ESRRB: variants seen among roughly 807,000 people sequenced by gnomAD.
ESRRB encodes the protein steroid hormone receptor ERR2.
A neutral mutation model predicts 46.0 loss-of-function variants in ESRRB; 16 were observed. The observed-to-expected ratio is 0.35, with a 90% CI of 0.24 to 0.53. The LOEUF (loss-of-function observed/expected upper bound fraction) is 0.53, where lower values mean the gene tolerates loss of function less well. Among genes scored for constraint, ESRRB ranks in the 20% least tolerant of loss-of-function variants. The pLI is 0.93. For synonymous variants in ESRRB, 246 were observed against 259.6 expected (o/e 0.95, Z 0.50); for missense variants, 488 against 607.4 (o/e 0.80, Z 2.07).
rs1007879717 is a variant in ESRRB at position 76,364,479 on chromosome 14, A to G, written c.2+53563A>G. 4.1e-4 allele frequency among the ~76,000 whole-genome samples: 63 copies of G among 152,130 alleles called. 1 individual carries two copies. The highest frequency in any genetic ancestry group is 1.5e-3 in the African/African-American group (61 of 41,422). On this transcript the variant is annotated intron_variant, in intron 1 of 6. Transcript: ENST00000512784. Reference sequence around the variant, plus strand: ...CGAGGTGGGTGGATCACCTGAGATCAGGAGTTCAAGACCAGCTTGGCCAAC... The same window carrying G: ...CGAGGTGGGTGGATCACCTGAGATCGGGAGTTCAAGACCAGCTTGGCCAAC...
chr14:76,490,329 T>C (rs1890176131), intron 5 of ESRRB, among the ~76,000 whole-genome samples: 1 of 152,254 alleles, frequency 6.6e-6, no homozygotes, highest in South Asian at 2.1e-4. Context: ...TACTCTCCTA[T>C]AAATCAAGAT....
upstream of ESRRB, among the ~76,000 whole-genome samples, chr14:76,372,714 C>A (rs956955890): frequency 3.9e-5 from 6 of 152,112 alleles, no homozygotes; most frequent in East Asian, 1.2e-3. Context: ...TGCCTGTAGT[C>A]CCACCTACTC....
At chr14:76,453,437 G>T (rs1888475587) in intron 2 of ESRRB, among the ~76,000 whole-genome samples, 1 of 152,092 alleles carries the variant, frequency 6.6e-6, no homozygotes, top group Non-Finnish European at 1.5e-5. Context: ...TAGTAGAGAG[G>T]ATGACTCTGT....
intron 1 of ESRRB, among the ~76,000 whole-genome samples, chr14:76,333,489 T>TATATG (rs1884089050): frequency 7.8e-6 from 1 of 128,724 alleles, no homozygotes; most frequent in Non-Finnish European, 1.5e-5. Flanking sequence ...ATATATATTA[T>TATATG]ATATATTTTG....
At chr14:76,368,661 C>T (rs548674236), upstream of ESRRB, among the ~76,000 whole-genome samples, 4 of 152,194 alleles carry the variant, frequency 2.6e-5, no homozygotes, top group Non-Finnish European at 5.9e-5. Flanking sequence ...CTTGGAAAGG[C>T]AAACCCTCCC....
At chr14:76,414,654 TTTTG>T (rs1333335680) in intron 1 of ESRRB, among the ~76,000 whole-genome samples, 2 of 143,878 alleles carry the variant, frequency 1.4e-5, no homozygotes, top group East Asian at 2.0e-4. Context: ...CTGCTGCTGT[TTTTG>T]TTTGTTCCTT....
intron 1 of ESRRB, among the ~76,000 whole-genome samples, chr14:76,413,121 T>C (rs1595092228): frequency 6.6e-6 from 1 of 152,188 alleles, no homozygotes; most frequent in Admixed American, 6.5e-5. Context: ...AGACCCAGCA[T>C]TGCAGGAGAG....
chr14:76,366,305 G>A (rs1884521286), intron 1 of ESRRB, among the ~76,000 whole-genome samples: 1 of 152,156 alleles, frequency 6.6e-6, no homozygotes, highest in South Asian at 2.1e-4. Flanking sequence ...GAAATAAGGA[G>A]CGACATATCC....
intron 6 of ESRRB, among the ~76,000 whole-genome samples, chr14:76,497,667 T>G (rs886922601): frequency 1.3e-5 from 2 of 152,158 alleles, no homozygotes; most frequent in African/African-American, 4.8e-5. Context: ...AGGTTAGCGA[T>G]TGCACTGAAG....
At position 76,501,022 on chromosome 14, in the gene ESRRB, G is replaced by A. The variant is rs1295163139; in HGVS notation, c.*2564G>A. 1 of 489,126 alleles carries A rather than the reference G, an allele frequency of 2.0e-6. No homozygotes were observed. Among genetic ancestry groups the A allele is most frequent in the Admixed American group, 3.3e-5 (1 of 30,136 alleles). 30.3% of individuals were successfully genotyped at this position (489,126 alleles called of 1,614,324 possible). A position where few individuals can be genotyped will look rare whatever the true frequency, so the allele number is the denominator to read the frequency against. The stretch of plus-strand genomic sequence containing the variant: ...CTTAGCTGGAATCCTGGCCAGATGA[G>A]GACCCTCTCCGGGGAAGGGAGAGGA... On this transcript the variant is annotated 3_prime_UTR_variant, in exon 7 of 7. Transcript: ENST00000644823.
chr14:76,381,462 AT>A (rs981320301), intron 1 of ESRRB, among the ~76,000 whole-genome samples: 1 of 151,458 alleles, frequency 6.6e-6, no homozygotes, highest in Non-Finnish European at 1.5e-5. Context: ...AGTTGGGAGG[AT>A]TTTTTCTTCC....
intron 3 of ESRRB, among the ~76,000 whole-genome samples, chr14:76,476,908 C>A (rs748512541): frequency 6.6e-6 from 1 of 152,176 alleles, no homozygotes; most frequent in African/African-American, 2.4e-5. Context: ...AAAGCAAAAC[C>A]GTTCCAGAAG....
intron 1 of ESRRB, among the ~76,000 whole-genome samples, chr14:76,395,554 T>G (rs772669889): frequency 6.6e-6 from 1 of 152,078 alleles, no homozygotes; most frequent in African/African-American, 2.4e-5. Context: ...CTGGGGCAAG[T>G]CACCTAACCT....
chr14:76,470,877 G>T (rs973110020), intron 3 of ESRRB, among the ~76,000 whole-genome samples: 11 of 152,096 alleles, frequency 7.2e-5, no homozygotes, highest in Non-Finnish European at 1.2e-4. Context: ...TTTTTGTAGA[G>T]ACAAAGGTCT....
intron 3 of ESRRB, among the ~76,000 whole-genome samples, chr14:76,464,325 C>T (rs1169746284): frequency 6.6e-6 from 1 of 152,248 alleles, no homozygotes; most frequent in Non-Finnish European, 1.5e-5. Flanking sequence ...CCCCCTCTCC[C>T]AGGGCCCTCT....
At chr14:76,478,111 A>G (rs953099394) in intron 3 of ESRRB, among the ~76,000 whole-genome samples, 5 of 152,228 alleles carry the variant, frequency 3.3e-5, no homozygotes, top group African/African-American at 1.2e-4. Flanking sequence ...GGATGATGAT[A>G]ATAACCATAA....
At chr14:76,371,746 CAA>C (rs1479581391), upstream of ESRRB, among the ~76,000 whole-genome samples, 1 of 152,146 alleles carries the variant, frequency 6.6e-6, no homozygotes, top group Non-Finnish European at 1.5e-5. Flanking sequence ...GCAGATTCTC[CAA>C]AAATGCCTGT....
intron 1 of ESRRB, among the ~76,000 whole-genome samples, chr14:76,393,275 C>T (rs1188524216): frequency 6.6e-6 from 1 of 152,154 alleles, no homozygotes; most frequent in Non-Finnish European, 1.5e-5. Context: ...AGACCTATTG[C>T]CTGGAGAAGT....
chr14:76,377,273 T>C (rs1356136560), intron 1 of ESRRB, among the ~76,000 whole-genome samples: 1 of 151,798 alleles, frequency 6.6e-6, no homozygotes, highest in Non-Finnish European at 1.5e-5. Context: ...GAGCGCAGAG[T>C]GGGAAAGTGA....
Sources: gnomAD v4.1 joint callset for allele counts (sites outside exome capture counted in the v4.1 genomes callset) on GRCh38, gnomAD v4.1.1 for gene constraint, MANE v1.5 for transcripts, NCBI Gene and HGNC (gene_info 2026-07-23, HGNC 2026-07-21) for gene names.